Variants in SIAH3 observed in about 807,000 individuals in gnomAD.
The protein encoded by SIAH3 is siah E3 ubiquitin protein ligase family member 3.
SIAH3 carries 9 observed loss-of-function variants against 12.6 expected under a neutral mutation model. That is an observed-to-expected ratio of 0.72 (90% CI 0.43 to 1.25). SIAH3 has a LOEUF of 1.25. Ranked by LOEUF, SIAH3 falls within the 50% of genes most tolerant of loss-of-function variation. The probability of loss-of-function intolerance (pLI) is 0.00; values close to 1 mark genes in which losing one functional copy is unlikely to be tolerated. For missense variants in SIAH3, 390 were observed against 365.4 expected (o/e 1.07, Z -0.55); for synonymous variants, 154 against 151.1 (o/e 1.02, Z -0.14).
At chr13:45,819,189 G>C (rs1950646006) in intron 1 of SIAH3, among the ~76,000 whole-genome samples, 1 of 152,128 alleles carries the variant, frequency 6.6e-6, no homozygotes, top group South Asian at 2.1e-4. Context: ...GATCCCAGAT[G>C]GCCCCCTGCT....
intron 1 of SIAH3, among the ~76,000 whole-genome samples, chr13:45,803,577 T>C (rs1950589542): frequency 6.6e-6 from 1 of 152,228 alleles, no homozygotes; most frequent in African/African-American, 2.4e-5. Context: ...GGACCATTTA[T>C]AGGGAGAAGA....
At chr13:45,844,528 G>A (rs994440717) in intron 1 of SIAH3, among the ~76,000 whole-genome samples, 5 of 152,176 alleles carry the variant, frequency 3.3e-5, no homozygotes, top group Non-Finnish European at 7.3e-5. Context: ...GACTTGGAGC[G>A]AGACATGCTA....
intron 1 of SIAH3, among the ~76,000 whole-genome samples, chr13:45,823,635 G>T (rs544746083): frequency 1.4e-4 from 21 of 152,250 alleles, no homozygotes; most frequent in African/African-American, 5.1e-4. Flanking sequence ...AAAGATTTTG[G>T]TCTCAAAACT....
chr13:45,826,397 A>ATGGGTGAGTGGCTGGG lies in SIAH3; in HGVS notation c.135+25097_135+25098insCCCAGCCACTCACCCA, dbSNP rs1566094857. Among the ~76,000 whole-genome samples the ATGGGTGAGTGGCTGGG allele has an allele frequency of 2.8e-3, 188 of 66,038 alleles. 73 individuals are homozygous for ATGGGTGAGTGGCTGGG. The East Asian group carries it at 0.034, about 12-fold the overall frequency. 43.3% of individuals were successfully genotyped at this position (66,038 alleles called of 152,430 possible). On this transcript the variant is annotated intron_variant, in intron 1 of 1. Coordinates refer to ENST00000400405, the MANE Select transcript of SIAH3 (RefSeq NM_198849.3). ...GATGAATGAATGGATGGATGGATGG[A>ATGGGTGAGTGGCTGGG]TGGATGGATGGATGGATGGATGGAT...
At chr13:45,796,776 G>A (rs550705824) in intron 1 of SIAH3, among the ~76,000 whole-genome samples, 28 of 152,192 alleles carry the variant, frequency 1.8e-4, no homozygotes, top group Non-Finnish European at 3.8e-4. Flanking sequence ...CCTCCTCTCT[G>A]CAATGTGGCT....
At chr13:45,841,914 C>T (rs1382027377) in intron 1 of SIAH3, among the ~76,000 whole-genome samples, 1 of 152,158 alleles carries the variant, frequency 6.6e-6, no homozygotes, top group Non-Finnish European at 1.5e-5. Flanking sequence ...GAACAAGACC[C>T]CTCTGGGAAG....
At chr13:45,818,137 T>C (rs1480021242) in intron 1 of SIAH3, among the ~76,000 whole-genome samples, 1 of 152,142 alleles carries the variant, frequency 6.6e-6, no homozygotes, top group African/African-American at 2.4e-5. Context: ...CCTCCCAGGG[T>C]CCCCAGGGAG....
At chr13:45,844,615 T>G (rs1314653240) in intron 1 of SIAH3, among the ~76,000 whole-genome samples, 1 of 152,202 alleles carries the variant, frequency 6.6e-6, no homozygotes, top group African/African-American at 2.4e-5. Flanking sequence ...GTGAGCCAAT[T>G]TTCCTAATAA....
rs116626798 is a variant in SIAH3 at position 45,808,411 on chromosome 13, C to T, written c.136-24354G>A. On this transcript the variant is annotated intron_variant, in intron 1 of 1. Coordinates refer to ENST00000400405, the MANE Select transcript of SIAH3 (RefSeq NM_198849.3). ...TTGTTGTTTCACTTTTATCTGTTAA[C>T]ATAAAAGAAAACATCAACCAACATT... Among the ~76,000 whole-genome samples the T allele has an allele frequency of 8.2e-3, 1,242 of 152,204 alleles. 21 individuals carry two copies. Among genetic ancestry groups the T allele is most frequent in the African/African-American group, 0.027 (1,128 of 41,518 alleles).
At chr13:45,839,847 A>C (rs1950733942) in intron 1 of SIAH3, among the ~76,000 whole-genome samples, 1 of 152,084 alleles carries the variant, frequency 6.6e-6, no homozygotes, top group Admixed American at 6.5e-5. Context: ...ACAAACAAAC[A>C]AACAAAAATC....
At chr13:45,815,396 A>G (rs207473727) in intron 1 of SIAH3, among the ~76,000 whole-genome samples, 1 of 151,984 alleles carries the variant, frequency 6.6e-6, no homozygotes, top group African/African-American at 2.4e-5. Flanking sequence ...CTGCCTACAG[A>G]CTGTCTTTGG....
chr13:45,809,794 G>A (rs1950610450), intron 1 of SIAH3, among the ~76,000 whole-genome samples: 1 of 152,032 alleles, frequency 6.6e-6, no homozygotes, highest in African/African-American at 2.4e-5. Context: ...TTTTTTCTTA[G>A]TGGCTTTCCA....
intron 1 of SIAH3, among the ~76,000 whole-genome samples, chr13:45,828,766 T>C (rs1157383375): frequency 6.6e-6 from 1 of 152,210 alleles, no homozygotes; most frequent in Non-Finnish European, 1.5e-5. Flanking sequence ...TGGTTTCCTC[T>C]AGGATTGAAT....
chr13:45,816,240 A>G (rs1366137347), intron 1 of SIAH3, among the ~76,000 whole-genome samples: 3 of 152,214 alleles, frequency 2.0e-5, no homozygotes, highest in African/African-American at 7.2e-5. Context: ...CAACTCCAGG[A>G]GCCCTTGCCT....
chr13:45,842,882 G>A (rs1381345024), intron 1 of SIAH3, among the ~76,000 whole-genome samples: 1 of 152,140 alleles, frequency 6.6e-6, no homozygotes, highest in East Asian at 1.9e-4. Flanking sequence ...GGGAAGAAGG[G>A]TCTTGTTTAT....
Position 45,851,594 on chromosome 13 carries a change from TA to T in SIAH3, c.35del (p.Leu12Ter). 6.2e-7 allele frequency: 1 copy of T among 1,614,184 alleles called. No homozygotes were observed. The highest frequency in any genetic ancestry group is 8.5e-7 in the Non-Finnish European group (1 of 1,180,048). On this transcript the variant is annotated frameshift_variant, in exon 1 of 2. Transcript: ENST00000400405. LOFTEE classifies it high-confidence loss of function. ...GCTGAAACCGGAGATGAATGAGATCTAATACAGCCCCAAAGCACTGGGTAAA... is the reference window on the plus strand; with the variant it reads ...GCTGAAACCGGAGATGAATGAGATCTATACAGCCCCAAAGCACTGGGTAAA... Reference protein sequence around the residue: ...LFFTQCFGAVLDLIHLRFQHY... With the variant: ...LFFTQCFGAVXDLIHLRFQHY...
intron 1 of SIAH3, among the ~76,000 whole-genome samples, chr13:45,833,794 G>A (rs1157839419): frequency 8.5e-5 from 13 of 152,102 alleles, no homozygotes; most frequent in Non-Finnish European, 7.4e-5. Flanking sequence ...TCCATGCCCA[G>A]AGCTGGCTCC....
chr13:45,807,823 T>G (rs542525996), intron 1 of SIAH3, among the ~76,000 whole-genome samples: 155 of 152,324 alleles, frequency 1.0e-3, no homozygotes, highest in African/African-American at 3.5e-3. Context: ...TCACAAGAGC[T>G]AATTGTTGAA....
At chr13:45,802,778 A>T (rs1157488300) in intron 1 of SIAH3, among the ~76,000 whole-genome samples, 2 of 152,222 alleles carry the variant, frequency 1.3e-5, no homozygotes, top group African/African-American at 2.4e-5. Flanking sequence ...AGGCTGGATC[A>T]AGGCAGCTGC....
Sources: allele counts gnomAD v4.1 joint callset (sites outside exome capture counted in the v4.1 genomes callset), GRCh38; gene constraint gnomAD v4.1.1; transcripts MANE v1.5; gene names NCBI Gene and HGNC (gene_info 2026-07-23, HGNC 2026-07-21).